The following ULK4 variants were observed in gnomAD, a reference collection of about 807,000 sequenced individuals.
ULK4 encodes unc-51 like kinase 4, also known as inactive serine/threonine-protein kinase ULK4.
ULK4 carries 133 observed loss-of-function variants against 160.6 expected under a neutral mutation model. The observed-to-expected ratio is 0.83, with a 90% CI of 0.72 to 0.96. ULK4 has a LOEUF of 0.96. Among genes scored for constraint, ULK4 ranks in the 40% least tolerant of loss-of-function variants. The pLI, the probability that ULK4 is intolerant of heterozygous loss-of-function variation, is 0.00. For missense variants in ULK4, 1,580 were observed against 1,499.5 expected (o/e 1.05, Z -0.89); for synonymous variants, 534 against 539.8 (o/e 0.99, Z 0.15).
intron 32 of ULK4, among the ~76,000 whole-genome samples, chr3:41,508,745 C>T (rs1275468197): frequency 6.6e-6 from 1 of 152,146 alleles, no homozygotes; most frequent in African/African-American, 2.4e-5. Flanking sequence ...GGTTGGCTCT[C>T]AGGAGGCCCC....
rs74732658 is a variant in ULK4, at chr3:41,737,815, G to A, written c.2321+16546C>T. Among the ~76,000 whole-genome samples the A allele has an allele frequency of 5.9e-5, 9 of 151,984 alleles. No homozygotes were observed. In the East Asian group the frequency reaches 1.4e-3, roughly 23 times the overall value. ...CTTATGATGGCCGGATGATAAATAAGTTTGGGCCCAAATTCAAATTACAGT... is the reference window on the plus strand; with the variant it reads ...CTTATGATGGCCGGATGATAAATAAATTTGGGCCCAAATTCAAATTACAGT... On this transcript the variant is annotated intron_variant, in intron 22 of 36. Coordinates refer to ENST00000301831, the MANE Select transcript of ULK4 (RefSeq NM_017886.4).
intron 7 of ULK4, among the ~76,000 whole-genome samples, chr3:41,917,279 G>A (rs563188548): frequency 6.6e-5 from 10 of 152,080 alleles, no homozygotes; most frequent in Admixed American, 2.0e-4. Context: ...CAAGGCAGGC[G>A]GATCACTCGA....
At chr3:41,616,368 A>C (rs953433266) in intron 30 of ULK4, among the ~76,000 whole-genome samples, 3 of 152,220 alleles carry the variant, frequency 2.0e-5, no homozygotes, top group Admixed American at 6.5e-5. Context: ...GGCCGAATAG[A>C]AACAGCTCTG....
chr3:41,895,413 A>G, intron 16 of ULK4, 105 bp downstream of exon 16: 1 of 585,692 alleles, frequency 1.7e-6, no homozygotes, highest in Non-Finnish European at 2.7e-6. Context: ...TTACATCAGA[A>G]TAATTTATGA....
intron 19 of ULK4, among the ~76,000 whole-genome samples, chr3:41,801,769 T>G (rs890144765): frequency 2.6e-5 from 4 of 151,964 alleles, no homozygotes; most frequent in Admixed American, 1.3e-4. Context: ...GAGGATCACT[T>G]GAGCATAGGA....
chr3:41,843,436 T>A (rs539818026), intron 17 of ULK4, among the ~76,000 whole-genome samples: 1 of 152,250 alleles, frequency 6.6e-6, no homozygotes, highest in East Asian at 1.9e-4. Flanking sequence ...AAAGGCGGTG[T>A]GTCGGGAGTT....
chr3:41,266,500 C>T (rs1048085419), intron 35 of ULK4, among the ~76,000 whole-genome samples: 1 of 152,224 alleles, frequency 6.6e-6, no homozygotes, highest in East Asian at 1.9e-4. Flanking sequence ...CCTCCCAGTC[C>T]AGGTGAGCTA....
intron 13 of ULK4, chr3:41,899,303 T>C (rs1698272280): frequency 6.6e-6 from 1 of 152,222 alleles, no homozygotes; most frequent in Admixed American, 6.5e-5. Flanking sequence ...ACTACAGACC[T>C]ATAAGATGTG....
intron 4 of ULK4, among the ~76,000 whole-genome samples, chr3:41,933,395 T>C (rs1311425849): frequency 6.6e-6 from 1 of 152,210 alleles, no homozygotes; most frequent in African/African-American, 2.4e-5. Flanking sequence ...GTCATTTCAT[T>C]TCAATGGAAT....
At chr3:41,876,770 T>C (rs537498204) in intron 17 of ULK4, among the ~76,000 whole-genome samples, 1 of 152,048 alleles carries the variant, frequency 6.6e-6, no homozygotes, top group Non-Finnish European at 1.5e-5. Flanking sequence ...AGTATACATA[T>C]CATATGACTC....
intron 16 of ULK4, among the ~76,000 whole-genome samples, chr3:41,884,346 T>C (rs79756281): frequency 0.043 from 6,509 of 152,318 alleles, 433 homozygotes; most frequent in African/African-American, 0.15. Context: ...AATGAGTTTC[T>C]ATGTAAGTAG....
chr3:41,741,262 T>A (rs2038229980), intron 22 of ULK4, among the ~76,000 whole-genome samples: 1 of 151,994 alleles, frequency 6.6e-6, no homozygotes, highest in Non-Finnish European at 1.5e-5. Context: ...CAATTTGGTA[T>A]TATTCTTCCA....
At chr3:41,758,601 A>G (rs1247842569) in intron 21 of ULK4, among the ~76,000 whole-genome samples, 2 of 152,140 alleles carry the variant, frequency 1.3e-5, no homozygotes, top group African/African-American at 4.8e-5. Context: ...AAAAACAATA[A>G]GTGGCCGGGC....
chr3:41,840,476 G>A (rs1045378154), intron 17 of ULK4, among the ~76,000 whole-genome samples: 10 of 152,186 alleles, frequency 6.6e-5, no homozygotes, highest in Non-Finnish European at 1.0e-4. Context: ...CCCAGGCTCC[G>A]ATGGTTCTCC....
At chr3:41,575,327 G>A (rs1423021677) in intron 31 of ULK4, among the ~76,000 whole-genome samples, 1 of 152,204 alleles carries the variant, frequency 6.6e-6, no homozygotes, top group Non-Finnish European at 1.5e-5. Flanking sequence ...CTGGGCATTT[G>A]CTCTGTTAGT....
At chr3:41,831,399 A>G (rs907446962) in intron 18 of ULK4, among the ~76,000 whole-genome samples, 10 of 147,102 alleles carry the variant, frequency 6.8e-5, no homozygotes, top group African/African-American at 1.8e-4. Flanking sequence ...TCCAGTGTAC[A>G]TATCTCCATA....
chr3:41,558,969 G>C (rs368139788), intron 32 of ULK4, among the ~76,000 whole-genome samples: 1 of 134,376 alleles, frequency 7.4e-6, no homozygotes, highest in African/African-American at 2.5e-5. Context: ...CTGGTGTGCT[G>C]CACCCATTAA....
intron 7 of ULK4, among the ~76,000 whole-genome samples, 153 bp downstream of exon 7, chr3:41,918,304 G>A (rs1213888988): frequency 6.6e-6 from 1 of 152,004 alleles, no homozygotes; most frequent in Non-Finnish European, 1.5e-5. Flanking sequence ...AATGGCAAAA[G>A]AAATACTAAC....
intron 21 of ULK4, among the ~76,000 whole-genome samples, chr3:41,763,151 C>T (rs373459456): frequency 2.0e-5 from 3 of 152,064 alleles, no homozygotes; most frequent in East Asian, 3.9e-4. Flanking sequence ...CAACTACATA[C>T]AGGATAGGAT....
Sources: gnomAD v4.1 joint callset for allele counts (sites outside exome capture counted in the v4.1 genomes callset) on GRCh38, gnomAD v4.1.1 for gene constraint, MANE v1.5 for transcripts, NCBI Gene and HGNC (gene_info 2026-07-23, HGNC 2026-07-21) for gene names.